ARHGAP6: variants seen among roughly 807,000 people sequenced by gnomAD.
ARHGAP6 encodes rho GTPase-activating protein 6.
Under a neutral mutation model 55.7 loss-of-function variants are expected in ARHGAP6, and 16 were observed. That is an observed-to-expected ratio of 0.29 (90% CI 0.19 to 0.44). The LOEUF (loss-of-function observed/expected upper bound fraction) is 0.44, where lower values mean the gene tolerates loss of function less well. Among genes scored for constraint, ARHGAP6 ranks in the 20% least tolerant of loss-of-function variants. The pLI, the probability that ARHGAP6 is intolerant of heterozygous loss-of-function variation, is 1.00. For missense variants in ARHGAP6, 698 were observed against 808.9 expected, an observed-to-expected ratio of 0.86 and a Z score of 1.66; for synonymous variants, 382 against 360.9, an observed-to-expected ratio of 1.06 and a Z score of -0.66.
intron 1 of ARHGAP6, among the ~76,000 whole-genome samples, chrX:11,340,906 C>T: frequency 9.0e-6 from 1 of 110,795 alleles, no homozygotes. Flanking sequence ...TAAAATGGAG[C>T]TCAGCATAGA....
chrX:11,567,478 T>C (rs1409191225), intron 1 of ARHGAP6, among the ~76,000 whole-genome samples: 3 of 103,540 alleles, frequency 2.9e-5, no homozygotes, highest in African/African-American at 1.1e-4. Context: ...GGCATGAACC[T>C]GGGAGGTGGA....
At chrX:11,171,869 C>T (rs896693659) in intron 8 of ARHGAP6, among the ~76,000 whole-genome samples, 1 of 111,704 alleles carries the variant, frequency 9.0e-6, no homozygotes, top group Non-Finnish European at 1.9e-5. Context: ...TTGTGACAAC[C>T]AGAATTATCT....
chrX:11,485,235 C>T (rs2050499876), intron 1 of ARHGAP6, among the ~76,000 whole-genome samples: 1 of 112,349 alleles, frequency 8.9e-6, no homozygotes, highest in South Asian at 3.7e-4. Flanking sequence ...AATGAACTCA[C>T]TTGAAAGCCA....
At chrX:11,544,429 ATC>A (rs1359212512) in intron 1 of ARHGAP6, among the ~76,000 whole-genome samples, 1 of 112,276 alleles carries the variant, frequency 8.9e-6, no homozygotes, top group East Asian at 2.8e-4. Context: ...CATGCCAAAA[ATC>A]TGAGAGGCCT....
At chrX:11,385,131 TG>T (rs1273829812) in intron 1 of ARHGAP6, among the ~76,000 whole-genome samples, 1 of 111,848 alleles carries the variant, frequency 8.9e-6, no homozygotes, top group Non-Finnish European at 1.9e-5. Flanking sequence ...GGAATCAGAA[TG>T]GCAAACCCTA....
intron 1 of ARHGAP6, among the ~76,000 whole-genome samples, chrX:11,571,757 G>A (rs1289264716): frequency 9.4e-6 from 1 of 106,522 alleles, no homozygotes; most frequent in Non-Finnish European, 1.9e-5. Context: ...GTATAGTGCT[G>A]CATGCCTGTG....
chrX:11,366,991 A>G (rs1014598900), intron 1 of ARHGAP6, among the ~76,000 whole-genome samples: 1 of 111,964 alleles, frequency 8.9e-6, no homozygotes, highest in African/African-American at 3.2e-5. Context: ...AGAGCAAGAC[A>G]TATTACTCCC....
intron 1 of ARHGAP6, among the ~76,000 whole-genome samples, chrX:11,565,817 G>A (rs935244670): frequency 8.9e-6 from 1 of 111,858 alleles, no homozygotes; most frequent in African/African-American, 3.2e-5. Flanking sequence ...GTGCACTGTC[G>A]GTGGAAGGGC....
intron 1 of ARHGAP6, among the ~76,000 whole-genome samples, chrX:11,400,535 G>A (rs768307728): frequency 1.2e-4 from 13 of 104,212 alleles, no homozygotes; most frequent in East Asian, 3.0e-4. Context: ...AAGCACTGTC[G>A]TTTACCTCTG....
At chrX:11,367,255 A>T (rs1310814137) in intron 1 of ARHGAP6, among the ~76,000 whole-genome samples, 1 of 112,025 alleles carries the variant, frequency 8.9e-6, no homozygotes, top group Non-Finnish European at 1.9e-5. Context: ...TTCTTATGAG[A>T]GATTTAGTTG....
intron 1 of ARHGAP6, among the ~76,000 whole-genome samples, chrX:11,522,040 A>T (rs1398789452): frequency 8.9e-6 from 1 of 111,928 alleles, no homozygotes; most frequent in African/African-American, 3.2e-5. Flanking sequence ...GTTGCTTATC[A>T]GCTGAAGGTG....
At chrX:11,169,404 G>T in intron 9 of ARHGAP6, 101 bp downstream of exon 9, 1 of 829,946 alleles carries the variant, frequency 1.2e-6, no homozygotes, top group Non-Finnish European at 1.7e-6. Flanking sequence ...TCAGTGAGCA[G>T]CACTGCACCC....
At chrX:11,481,347 A>G (rs1381649444) in intron 1 of ARHGAP6, among the ~76,000 whole-genome samples, 1 of 112,310 alleles carries the variant, frequency 8.9e-6, no homozygotes, top group Non-Finnish European at 1.9e-5. Context: ...GCAGGCCTTA[A>G]TCCAACTCCA....
chrX:11,346,757 G>GAAAGAAAGAA (rs1569308853), intron 1 of ARHGAP6, among the ~76,000 whole-genome samples: 11 of 46,865 alleles, frequency 2.3e-4, no homozygotes, highest in Admixed American at 5.3e-4. Flanking sequence ...GAAAGAAAGA[G>GAAAGAAAGAA]AGAAAGAAAA....
intron 1 of ARHGAP6, among the ~76,000 whole-genome samples, chrX:11,571,730 T>C (rs2051520342): frequency 9.5e-6 from 1 of 105,808 alleles, no homozygotes; most frequent in South Asian, 4.3e-4. Context: ...ATAATAATAA[T>C]AATAATAATT....
At chrX:11,210,486 C>T (rs960155797) in intron 2 of ARHGAP6, among the ~76,000 whole-genome samples, 1 of 112,339 alleles carries the variant, frequency 8.9e-6, no homozygotes, top group African/African-American at 3.2e-5. Context: ...CCCTCAAAAA[C>T]AAGAACTTGA....
intron 1 of ARHGAP6, among the ~76,000 whole-genome samples, chrX:11,598,604 T>A (rs2051932273): frequency 8.9e-6 from 1 of 112,545 alleles, no homozygotes. Context: ...ACGCAGTGTT[T>A]AGTTTTCTGT....
At chrX:11,570,617 T>C (rs780222896) in intron 1 of ARHGAP6, among the ~76,000 whole-genome samples, 33 of 111,039 alleles carry the variant, frequency 3.0e-4, no homozygotes, top group African/African-American at 1.1e-3. Context: ...GCATGGGGAA[T>C]CAGGGCAAGT....
chrX:11,484,591 AAAAG>A (rs1376269825), intron 1 of ARHGAP6, among the ~76,000 whole-genome samples: 4 of 110,511 alleles, frequency 3.6e-5, no homozygotes, highest in African/African-American at 6.6e-5. Context: ...GAAGAAAAGG[AAAAG>A]AAAGAAGAGG....
Sources: allele counts gnomAD v4.1 joint callset (sites outside exome capture counted in the v4.1 genomes callset), GRCh38; gene constraint gnomAD v4.1.1; transcripts MANE v1.5; gene names NCBI Gene and HGNC (gene_info 2026-07-23, HGNC 2026-07-21).